Variants in AUTS2 observed in about 807,000 individuals in gnomAD.
AUTS2 encodes the protein activator of transcription and developmental regulator AUTS2.
In AUTS2, 17 loss-of-function variants were observed where a neutral mutation model predicts 112.4. The ratio of observed to expected loss-of-function variants is 0.15; its 90% CI spans 0.10 to 0.23. The LOEUF is 0.23. Among genes scored for constraint, AUTS2 ranks in the 10% least tolerant of loss-of-function variants. The pLI is 1.00. For missense variants in AUTS2, 1,510 were observed against 1,701.6 expected (o/e 0.89, Z 1.98); for synonymous variants, 751 against 702.7 (o/e 1.07, Z -1.09).
intron 5 of AUTS2, among the ~76,000 whole-genome samples, chr7:70,536,966 A>G (rs1305935357): frequency 6.6e-6 from 1 of 152,200 alleles, no homozygotes; most frequent in Non-Finnish European, 1.5e-5. Context: ...ACTGTAGAGT[A>G]TTAGATGTAT....
chr7:69,602,404 A>G (rs557076458), intron 1 of AUTS2, among the ~76,000 whole-genome samples: 1 of 152,302 alleles, frequency 6.6e-6, no homozygotes, highest in South Asian at 2.1e-4. Context: ...GTGTAGGTAG[A>G]AAAGGTCTAA....
intron 4 of AUTS2, among the ~76,000 whole-genome samples, chr7:70,236,345 C>T (rs369842269): frequency 6.6e-6 from 1 of 152,212 alleles, no homozygotes; most frequent in South Asian, 2.1e-4. Flanking sequence ...ATTTGTGATT[C>T]TTCTAGTGTG....
chr7:69,919,225 A>C (rs554741020), intron 2 of AUTS2, among the ~76,000 whole-genome samples: 2 of 152,296 alleles, frequency 1.3e-5, no homozygotes, highest in Admixed American at 6.5e-5. Context: ...CTTTGGTTTT[A>C]GACTGTATAA....
At chr7:70,606,063 C>T (rs1242943761) in intron 5 of AUTS2, among the ~76,000 whole-genome samples, 1 of 152,200 alleles carries the variant, frequency 6.6e-6, no homozygotes, top group Non-Finnish European at 1.5e-5. Flanking sequence ...GGAGCTGGTG[C>T]TATATGTCCA....
At chr7:70,069,570 A>G (rs1237221501) in intron 2 of AUTS2, among the ~76,000 whole-genome samples, 1 of 152,206 alleles carries the variant, frequency 6.6e-6, no homozygotes, top group Non-Finnish European at 1.5e-5. Flanking sequence ...TAAGCAGATG[A>G]CACTGCTTAT....
chr7:69,655,835 A>T (rs920987546), intron 1 of AUTS2, among the ~76,000 whole-genome samples: 1 of 152,168 alleles, frequency 6.6e-6, no homozygotes, highest in Non-Finnish European at 1.5e-5. Flanking sequence ...GCTTGTTACT[A>T]GCCTTTCGGG....
intron 1 of AUTS2, among the ~76,000 whole-genome samples, chr7:69,881,195 A>G (rs1205774245): frequency 6.6e-6 from 1 of 152,192 alleles, no homozygotes; most frequent in Admixed American, 6.6e-5. Context: ...TCATTAATCT[A>G]CTAGTAAGAG....
chr7:70,747,132 G>T (rs1267601686), intron 6 of AUTS2, among the ~76,000 whole-genome samples: 1 of 152,148 alleles, frequency 6.6e-6, no homozygotes, highest in Non-Finnish European at 1.5e-5. Context: ...AGGCCATTTA[G>T]GTTAATTTGT....
chr7:69,768,839 A>T (rs958072716), intron 1 of AUTS2, among the ~76,000 whole-genome samples: 1 of 152,212 alleles, frequency 6.6e-6, no homozygotes, highest in African/African-American at 2.4e-5. Flanking sequence ...TGGGTTTTAG[A>T]TAGCCTCCAA....
At chr7:69,978,663 A>G (rs1798155859) in intron 2 of AUTS2, among the ~76,000 whole-genome samples, 1 of 152,050 alleles carries the variant, frequency 6.6e-6, no homozygotes, top group East Asian at 1.9e-4. Context: ...ACATGGTGAA[A>G]CCCTGTCTTT....
At chr7:70,481,439 G>T (rs1226764271) in intron 5 of AUTS2, among the ~76,000 whole-genome samples, 1 of 152,154 alleles carries the variant, frequency 6.6e-6, no homozygotes, top group Non-Finnish European at 1.5e-5. Flanking sequence ...TTCTCTTACA[G>T]CATCTTGACA....
intron 6 of AUTS2, among the ~76,000 whole-genome samples, chr7:70,749,022 G>A (rs1300133992): frequency 4.6e-5 from 7 of 152,086 alleles, no homozygotes; most frequent in Non-Finnish European, 7.4e-5. Context: ...GCATAGAGCC[G>A]GACTGGGAAC....
intron 5 of AUTS2, among the ~76,000 whole-genome samples, chr7:70,517,839 C>G (rs903479645): frequency 6.6e-6 from 1 of 152,042 alleles, no homozygotes; most frequent in African/African-American, 2.4e-5. Context: ...TATACCCACA[C>G]ACACATACAT....
chr7:70,671,598 G>T (rs1431192320), intron 5 of AUTS2, among the ~76,000 whole-genome samples: 2 of 152,206 alleles, frequency 1.3e-5, no homozygotes, highest in Admixed American at 1.3e-4. Context: ...TCAAGGCTCT[G>T]CTTTGCAAGA....
chr7:69,665,929 ATAT>A (rs1796013015), intron 1 of AUTS2, among the ~76,000 whole-genome samples: 1 of 152,310 alleles, frequency 6.6e-6, no homozygotes, highest in African/African-American at 2.4e-5. Flanking sequence ...TACCTGGACC[ATAT>A]TATTTAGGCT....
intron 1 of AUTS2, among the ~76,000 whole-genome samples, chr7:69,773,609 C>G (rs1478892778): frequency 6.6e-6 from 1 of 152,172 alleles, no homozygotes; most frequent in East Asian, 1.9e-4. Flanking sequence ...TATCACCAAC[C>G]CCTGCCAGTG....
intron 1 of AUTS2, among the ~76,000 whole-genome samples, chr7:69,876,355 T>TAC (rs1793766750): frequency 3.7e-5 from 3 of 80,490 alleles, no homozygotes; most frequent in Non-Finnish European, 6.9e-5. Flanking sequence ...AAAAAATATA[T>TAC]ATATATATAT....
intron 11 of AUTS2, among the ~76,000 whole-genome samples, chr7:70,772,003 T>C (rs1411917052): frequency 6.6e-6 from 1 of 152,146 alleles, no homozygotes; most frequent in Non-Finnish European, 1.5e-5. Context: ...GTTCCGCAGG[T>C]GTATGTAATT....
chr7:69,877,420 C>G (rs1354765675), intron 1 of AUTS2, among the ~76,000 whole-genome samples: 3 of 152,068 alleles, frequency 2.0e-5, no homozygotes, highest in African/African-American at 7.2e-5. Flanking sequence ...CAGAAACATA[C>G]CGAATTAGAA....
Sources: gnomAD v4.1 joint callset for allele counts (sites outside exome capture counted in the v4.1 genomes callset) on GRCh38, gnomAD v4.1.1 for gene constraint, MANE v1.5 for transcripts, NCBI Gene and HGNC (gene_info 2026-07-23, HGNC 2026-07-21) for gene names.